Variants in HEATR1 observed in about 807,000 individuals in gnomAD.
HEATR1 encodes HEAT repeat containing 1, also known as HEAT repeat-containing protein 1.
In HEATR1, 77 loss-of-function variants were observed where a neutral mutation model predicts 248.2. The observed-to-expected ratio is 0.31, with a 90% CI of 0.26 to 0.37. The LOEUF (loss-of-function observed/expected upper bound fraction) is 0.37. HEATR1 is among the 10% of genes least tolerant of loss of function. The probability of loss-of-function intolerance (pLI) is 1.00; values close to 1 mark genes in which losing one functional copy is unlikely to be tolerated. For synonymous variants in HEATR1, 897 were observed against 923.1 expected, an observed-to-expected ratio of 0.97 and a Z score of 0.51; for missense variants, 2,420 against 2,504.9, an observed-to-expected ratio of 0.97 and a Z score of 0.72.
chr1:236,576,756 A>G (rs760308840), intron 21 of HEATR1, 24 bp downstream of exon 21: 4 of 1,595,722 alleles, frequency 2.5e-6, no homozygotes, highest in Non-Finnish European at 3.4e-6. Flanking sequence ...GAACACACTC[A>G]ATCTTCTTTG....
Position 236,581,273 on chromosome 1 carries a change from A to C in HEATR1, c.2704T>G (p.Ser902Ala). 3 of 1,613,910 alleles carry C rather than the reference A, an allele frequency of 1.9e-6. No homozygotes were observed. The highest frequency in any genetic ancestry group is 3.3e-4 in the Middle Eastern group (2 of 6,062). Reference protein sequence around the residue: ...QALYVGCAMLSSQKTQCKHQL... With the variant: ...QALYVGCAMLASQKTQCKHQL... ...TGTTTACACTGTGTCTTCTGAGAAGAAAGCATTGCACAGCCCACATAAAGA... is the reference window on the plus strand; with the variant it reads ...TGTTTACACTGTGTCTTCTGAGAAGCAAGCATTGCACAGCCCACATAAAGA... Residue 902 changes from serine to alanine, a missense_variant, in exon 20 of 45, where the codon TCT becomes GCT. By Grantham distance (99) the Ser-to-Ala change is moderately conservative (BLOSUM62 1). Coordinates refer to ENST00000366582, the MANE Select transcript of HEATR1 (RefSeq NM_018072.6).
rs907575939 is a variant in HEATR1 at position 236,603,115 on chromosome 1, C to T, written c.359+45G>A. The T allele has an allele frequency of 4.8e-6, 7 of 1,468,422 alleles. No individual in the cohort carries two copies. The South Asian group carries it at 8.0e-5, about 17-fold the overall frequency. 91.0% of individuals were successfully genotyped at this position (1,468,422 alleles called of 1,614,324 possible). On this transcript the variant is annotated intron_variant, in intron 3 of 44. Coordinates refer to ENST00000366582, the MANE Select transcript of HEATR1 (RefSeq NM_018072.6). ...CTCAACTACTTAATTTTTTACAAGA[C>T]CAAAGTGATTAACCCATAGTTATTT...
At chr1:236,572,125 A>G (rs1056466453) in intron 26 of HEATR1, among the ~76,000 whole-genome samples, 5 of 152,188 alleles carry the variant, frequency 3.3e-5, no homozygotes, top group African/African-American at 9.7e-5. Context: ...ATTCAACACT[A>G]TATCTTGAAA....
intron 28 of HEATR1, among the ~76,000 whole-genome samples, chr1:236,569,536 T>C (rs907684798): frequency 1.3e-5 from 2 of 152,302 alleles, no homozygotes; most frequent in South Asian, 2.1e-4. Flanking sequence ...GGCAAAGGAT[T>C]TGAAAAGACA....
rs569851899 is a variant in HEATR1, at chr1:236,597,551, C to T, written c.603+327G>A. 3.2e-3 allele frequency among the ~76,000 whole-genome samples: 484 copies of T among 152,258 alleles called. 1 individual carries two copies. Among genetic ancestry groups the T allele is most frequent in the Non-Finnish European group, 5.7e-3 (390 of 68,024 alleles). ...TACAGGCGTGAGCCACCGCACCTGG[C>T]CTTAAAATTTTTTAAACAGCTTTCC... On this transcript the variant is annotated intron_variant, in intron 5 of 44. Transcript: ENST00000366582.
intron 16 of HEATR1, 124 bp downstream of exon 16, chr1:236,585,691 TTAAAG>T (rs1230318131): frequency 1.3e-6 from 1 of 747,580 alleles, no homozygotes; most frequent in Non-Finnish European, 2.1e-6. Flanking sequence ...ACTGCAACGT[TTAAAG>T]TAAAACCAAG....
intron 26 of HEATR1, 78 bp from the exon 27 acceptor site, chr1:236,571,764 A>G: frequency 1.0e-6 from 1 of 969,266 alleles, no homozygotes; most frequent in Non-Finnish European, 1.6e-6. Flanking sequence ...GCCATTGTCC[A>G]GAACTCATTC....
intron 36 of HEATR1, 71 bp from the exon 37 acceptor site, chr1:236,557,416 T>C: frequency 6.6e-7 from 1 of 1,521,068 alleles, no homozygotes. Flanking sequence ...GTAGAGGGCA[T>C]TATGAAAAAA....
chr1:236,555,037 T>C (rs1285317611), intron 41 of HEATR1, among the ~76,000 whole-genome samples: 1 of 152,230 alleles, frequency 6.6e-6, no homozygotes, highest in Non-Finnish European at 1.5e-5. Context: ...TTTTTGCGTT[T>C]TAAAGTTACT....
chr1:236,593,227 TG>T (rs1664088227), intron 9 of HEATR1, among the ~76,000 whole-genome samples: 1 of 147,926 alleles, frequency 6.8e-6, no homozygotes, highest in Admixed American at 6.7e-5. Context: ...GAAACTAGAG[TG>T]TAAGTCTTCC....
intron 36 of HEATR1, among the ~76,000 whole-genome samples, chr1:236,557,721 C>G (rs1461430427): frequency 1.3e-5 from 2 of 152,172 alleles, no homozygotes; most frequent in Non-Finnish European, 2.9e-5. Flanking sequence ...CAGTAAGGAA[C>G]TACCACAGCC....
intron 19 of HEATR1, 29 bp from the exon 20 acceptor site, chr1:236,581,443 T>C (rs1663736760): frequency 7.2e-7 from 1 of 1,392,780 alleles, no homozygotes; most frequent in Non-Finnish European, 9.6e-7. Flanking sequence ...AAGCAAACTT[T>C]TAATTCTTAC....
chr1:236,570,556 ACTC>A (rs1663400394), intron 28 of HEATR1, among the ~76,000 whole-genome samples: 1 of 152,056 alleles, frequency 6.6e-6, no homozygotes, highest in South Asian at 2.1e-4. Context: ...TGATGAAAAT[ACTC>A]TTCAAGTAGA....
chr1:236,577,911 G>A (rs775800467), intron 20 of HEATR1, among the ~76,000 whole-genome samples: 43 of 152,112 alleles, frequency 2.8e-4, no homozygotes, highest in Middle Eastern at 3.2e-3. Flanking sequence ...AACAAACACC[G>A]CTGCACATAC....
intron 14 of HEATR1, 22 bp downstream of exon 14, chr1:236,587,380 A>G (rs1235758222): frequency 8.6e-7 from 1 of 1,161,972 alleles, no homozygotes. Context: ...TCAAAATAGT[A>G]TGAGGAGAAA....
intron 5 of HEATR1, 134 bp from the exon 6 acceptor site, chr1:236,597,110 G>T: frequency 1.9e-6 from 1 of 539,236 alleles, no homozygotes; most frequent in Non-Finnish European, 2.9e-6. Flanking sequence ...GGGCGACAAA[G>T]CAAGTCCATG....
At chr1:236,554,830 TA>T in intron 41 of HEATR1, 78 bp from the exon 42 acceptor site, 1 of 1,257,958 alleles carries the variant, frequency 7.9e-7, no homozygotes, top group Non-Finnish European at 1.1e-6. Flanking sequence ...TTGAAATCAC[TA>T]TTAAAATAAC....
intron 9 of HEATR1, among the ~76,000 whole-genome samples, chr1:236,592,905 A>G (rs116177594): frequency 0.018 from 2,669 of 152,264 alleles, 17 homozygotes; most frequent in Middle Eastern, 0.075. Flanking sequence ...GTAAGACTAC[A>G]TTGCTATTTT....
intron 32 of HEATR1, 71 bp downstream of exon 32, chr1:236,564,427 C>G: frequency 7.4e-7 from 1 of 1,355,726 alleles, no homozygotes. Context: ...CAAGCTACTT[C>G]TACTGGTTGA....
Sources: allele counts gnomAD v4.1 joint callset (sites outside exome capture counted in the v4.1 genomes callset), GRCh38; gene constraint gnomAD v4.1.1; transcripts MANE v1.5; gene names NCBI Gene and HGNC (gene_info 2026-07-23, HGNC 2026-07-21).